C13orf46: variants seen among roughly 807,000 people sequenced by gnomAD.
The protein encoded by C13orf46 is chromosome 13 open reading frame 46, also known as uncharacterized protein C13orf46.
At chr13:113,967,085 C>A (rs1321531183) in intron 5 of C13orf46, among the ~76,000 whole-genome samples, 1 of 152,170 alleles carries the variant, frequency 6.6e-6, no homozygotes, top group Non-Finnish European at 1.5e-5. Flanking sequence ...TGAAGGTTAA[C>A]CCAGGCCCCA....
the C13orf46 span, among the ~76,000 whole-genome samples, chr13:113,934,407 A>G: frequency 6.6e-6 from 1 of 152,246 alleles, no homozygotes; most frequent in Non-Finnish European, 1.5e-5. Flanking sequence ...CCAGACACAC[A>G]GGATGGATGG....
At chr13:113,965,754 G>GAT (rs2052632195) in intron 5 of C13orf46, among the ~76,000 whole-genome samples, 2 of 49,944 alleles carry the variant, frequency 4.0e-5, no homozygotes, top group Non-Finnish European at 7.3e-5. Flanking sequence ...TGGTGATGAT[G>GAT]GTGATGGTGA....
the C13orf46 span, chr13:113,928,967 A>G: frequency 0.17 from 25,754 of 152,306 alleles, 2,317 homozygotes; most frequent in African/African-American, 0.19. Flanking sequence ...TTTAGATCAC[A>G]GCTGGGAAGC....
the C13orf46 span, chr13:113,927,443 A>C: frequency 3.5e-5 from 14 of 397,642 alleles, no homozygotes; most frequent in Non-Finnish European, 5.3e-5. Context: ...TGCATTTCTT[A>C]GGTCTGGCAC....
intron 6 of C13orf46, among the ~76,000 whole-genome samples, chr13:113,957,229 A>G (rs1282081693): frequency 7.2e-6 from 1 of 138,040 alleles, no homozygotes; most frequent in Non-Finnish European, 1.5e-5. Flanking sequence ...CCTTTCATCA[A>G]GCGCACTGGG....
At chr13:113,928,029 G>A in the C13orf46 span, 1 of 178,454 alleles carries the variant, frequency 5.6e-6, no homozygotes, top group Admixed American at 6.3e-5. Context: ...TGCTTGGAAG[G>A]AAAAGCATCG....
At chr13:113,966,478 GTGATGA>G (rs1163670038) in intron 5 of C13orf46, among the ~76,000 whole-genome samples, 1 of 151,146 alleles carries the variant, frequency 6.6e-6, no homozygotes, top group Non-Finnish European at 1.5e-5. Flanking sequence ...GATTATAATG[GTGATGA>G]TGATGGTGAT....
chr13:113,952,808 C>T (rs970468991), downstream of C13orf46, among the ~76,000 whole-genome samples: 135 of 152,342 alleles, frequency 8.9e-4, no homozygotes, highest in African/African-American at 2.7e-3. Flanking sequence ...TCCACTCCAT[C>T]GACCCCAGCG....
intron 6 of C13orf46, among the ~76,000 whole-genome samples, chr13:113,960,737 A>G (rs1250922015): frequency 1.3e-5 from 2 of 152,164 alleles, no homozygotes; most frequent in Admixed American, 6.5e-5. Flanking sequence ...TTCCTTGTTT[A>G]CTGTCCTCTG....
downstream of C13orf46, among the ~76,000 whole-genome samples, chr13:113,953,128 C>T (rs952992939): frequency 2.4e-4 from 37 of 152,328 alleles, no homozygotes; most frequent in East Asian, 1.5e-3. Context: ...CCCAGACCCC[C>T]GGCCTGGCAC....
the C13orf46 span, among the ~76,000 whole-genome samples, chr13:113,947,035 T>C: frequency 3.5e-4 from 53 of 152,170 alleles, no homozygotes; most frequent in Non-Finnish European, 7.2e-4. Context: ...CAAGATGCTC[T>C]GGGAGAGAGG....
At chr13:113,940,294 C>A in the C13orf46 span, among the ~76,000 whole-genome samples, 1 of 152,244 alleles carries the variant, frequency 6.6e-6, no homozygotes, top group Non-Finnish European at 1.5e-5. Context: ...TGCCGCCAAG[C>A]CCCCCACCCC....
At chr13:113,939,916 C>G in the C13orf46 span, among the ~76,000 whole-genome samples, 1 of 152,212 alleles carries the variant, frequency 6.6e-6, no homozygotes, top group Admixed American at 6.5e-5. Context: ...ATCAAGAAAC[C>G]GGGTGCCAGG....
chr13:113,971,669 GCCTC>G (rs1220810323), intron 1 of C13orf46, among the ~76,000 whole-genome samples: 1 of 152,226 alleles, frequency 6.6e-6, no homozygotes, highest in Non-Finnish European at 1.5e-5. Flanking sequence ...CATCCCGGAG[GCCTC>G]CCTGTGAAGT....
the C13orf46 span, among the ~76,000 whole-genome samples, chr13:113,932,869 C>G: frequency 6.6e-6 from 1 of 151,936 alleles, no homozygotes; most frequent in Non-Finnish European, 1.5e-5. Flanking sequence ...TGACCTATTA[C>G]AATTTTTTTT....
At chr13:113,936,192 A>G in the C13orf46 span, among the ~76,000 whole-genome samples, 2 of 152,196 alleles carry the variant, frequency 1.3e-5, no homozygotes, top group Non-Finnish European at 2.9e-5. Context: ...TGGGTGAGCA[A>G]GTAACTGCCA....
Position 113,956,161 on chromosome 13 carries a change from G to T in C13orf46, c.*612C>A, listed in dbSNP as rs890623237. On this transcript the variant is annotated 3_prime_UTR_variant, in exon 7 of 7. Transcript: ENST00000636427. ...AGGAGTAGTATTTGGCGAAGAGGAG[G>T]AGCATCCGGCGGAGACAAGGAGCAT... is the stretch of plus-strand genomic sequence containing the variant. 1.3e-5 allele frequency: 2 copies of T among 154,254 alleles called. No individual in the cohort carries two copies. Among genetic ancestry groups the T allele is most frequent in the Non-Finnish European group, 2.8e-5 (2 of 70,612 alleles). 9.6% of individuals were successfully genotyped at this position (154,254 alleles called of 1,614,324 possible).
chr13:113,933,637 CCTT>C, the C13orf46 span, among the ~76,000 whole-genome samples: 6 of 152,114 alleles, frequency 3.9e-5, no homozygotes, highest in Admixed American at 3.3e-4. Context: ...TTTATTTAGG[CCTT>C]TTTTCATTCC....
At chr13:113,942,495 C>A in the C13orf46 span, among the ~76,000 whole-genome samples, 1 of 152,196 alleles carries the variant, frequency 6.6e-6, no homozygotes, top group Non-Finnish European at 1.5e-5. Context: ...CGGCAGACAC[C>A]ACCTGGACCT....
Sources: gnomAD v4.1 joint callset for allele counts (sites outside exome capture counted in the v4.1 genomes callset) on GRCh38, gnomAD v4.1.1 for gene constraint, MANE v1.5 for transcripts, NCBI Gene and HGNC (gene_info 2026-07-23, HGNC 2026-07-21) for gene names.